Variants in VDAC1 observed in about 807,000 individuals in gnomAD.
VDAC1 encodes non-selective voltage-gated ion channel VDAC1.
VDAC1 carries 10 observed loss-of-function variants against 34.7 expected under a neutral mutation model. That is an observed-to-expected ratio of 0.29 (90% CI 0.18 to 0.49). VDAC1 has a LOEUF of 0.49. Among genes scored for constraint, VDAC1 ranks in the 20% least tolerant of loss-of-function variants. VDAC1 has a pLI of 0.99. For missense variants in VDAC1, 230 were observed against 347.9 expected (o/e 0.66, Z 2.69); for synonymous variants, 130 against 136.0 (o/e 0.96, Z 0.30).
At chr5:134,066,941 A>T in the VDAC1 span, among the ~76,000 whole-genome samples, 4 of 152,192 alleles carry the variant, frequency 2.6e-5, no homozygotes, top group Non-Finnish European at 5.9e-5. Flanking sequence ...CCCCTGCTAG[A>T]AAGGGAGAAC....
chr5:134,064,111 T>A, the VDAC1 span, among the ~76,000 whole-genome samples: 1 of 151,268 alleles, frequency 6.6e-6, no homozygotes, highest in Admixed American at 6.6e-5. Flanking sequence ...GTGCTGGGAT[T>A]ACAGGCAAGA....
chr5:134,004,300 C>T (rs1238500175), intron 1 of VDAC1, among the ~76,000 whole-genome samples: 3 of 151,918 alleles, frequency 2.0e-5, no homozygotes, highest in Non-Finnish European at 4.4e-5. Flanking sequence ...CAGAGGGCGC[C>T]GCCGGGGAAG....
the VDAC1 span, among the ~76,000 whole-genome samples, chr5:134,027,499 A>G: frequency 6.6e-6 from 1 of 152,182 alleles, no homozygotes. Flanking sequence ...TGCAAATGTG[A>G]CAAGTGCCAG....
chr5:133,984,417 AGC>A (rs1752825008), intron 5 of VDAC1, among the ~76,000 whole-genome samples: 1 of 105,886 alleles, frequency 9.4e-6, no homozygotes, highest in Non-Finnish European at 1.8e-5. Flanking sequence ...CACAATGACC[AGC>A]GTGTGTGTGT....
At chr5:134,053,381 G>A in the VDAC1 span, among the ~76,000 whole-genome samples, 1 of 152,184 alleles carries the variant, frequency 6.6e-6, no homozygotes, top group Non-Finnish European at 1.5e-5. Context: ...CACCATGCCT[G>A]GGGATACTCT....
the VDAC1 span, among the ~76,000 whole-genome samples, chr5:134,089,150 C>G: frequency 6.6e-6 from 1 of 152,238 alleles, no homozygotes; most frequent in Admixed American, 6.5e-5. Context: ...CAGATGGCCA[C>G]CTGCAGGGAC....
chr5:133,989,741 C>T (rs919973631), intron 5 of VDAC1, among the ~76,000 whole-genome samples: 2 of 151,970 alleles, frequency 1.3e-5, no homozygotes, highest in Non-Finnish European at 2.9e-5. Context: ...TGGCTCACCA[C>T]AACCTCTGCC....
At chr5:134,100,549 A>T in the VDAC1 span, among the ~76,000 whole-genome samples, 1 of 152,150 alleles carries the variant, frequency 6.6e-6, no homozygotes, top group Non-Finnish European at 1.5e-5. Context: ...GCCTAGAGGT[A>T]GCAGCTCCTG....
the VDAC1 span, among the ~76,000 whole-genome samples, chr5:134,054,171 A>G: frequency 6.6e-6 from 1 of 152,218 alleles, no homozygotes; most frequent in East Asian, 1.9e-4. Context: ...ACACCTTCTC[A>G]GTGTGGTAAT....
At chr5:134,023,372 G>A in the VDAC1 span, among the ~76,000 whole-genome samples, 217 of 151,752 alleles carry the variant, frequency 1.4e-3, no homozygotes, top group African/African-American at 5.0e-3. Context: ...AATGCATACC[G>A]GGCTTAAAAC....
chr5:134,030,604 C>CT, the VDAC1 span, among the ~76,000 whole-genome samples: 844 of 107,748 alleles, frequency 7.8e-3, 11 homozygotes, highest in African/African-American at 0.023. Flanking sequence ...TTCTTTCTTT[C>CT]TTTTTTTTTT....
chr5:133,994,736 G>A (rs1753232237), intron 1 of VDAC1, among the ~76,000 whole-genome samples: 1 of 152,084 alleles, frequency 6.6e-6, no homozygotes, highest in Admixed American at 6.5e-5. Flanking sequence ...ACAGTAACGG[G>A]CCCAGAACAT....
At chr5:134,050,190 A>G in the VDAC1 span, among the ~76,000 whole-genome samples, 1 of 152,160 alleles carries the variant, frequency 6.6e-6, no homozygotes, top group Non-Finnish European at 1.5e-5. Context: ...TGGAGGTTGC[A>G]GTGAGCCGAG....
At chr5:134,069,647 C>T in the VDAC1 span, among the ~76,000 whole-genome samples, 1 of 152,084 alleles carries the variant, frequency 6.6e-6, no homozygotes, top group African/African-American at 2.4e-5. Context: ...TGCTTCTCAG[C>T]GTTTCTCTTT....
At chr5:134,076,304 C>T in the VDAC1 span, among the ~76,000 whole-genome samples, 1 of 152,222 alleles carries the variant, frequency 6.6e-6, no homozygotes, top group African/African-American at 2.4e-5. Context: ...AACTCCTATG[C>T]ACCCTTCAGA....
chr5:134,032,839 C>T, the VDAC1 span, among the ~76,000 whole-genome samples: 1 of 152,248 alleles, frequency 6.6e-6, no homozygotes, highest in Admixed American at 6.6e-5. Context: ...CAAGTCCAGC[C>T]TGGGCAACAG....
the VDAC1 span, among the ~76,000 whole-genome samples, chr5:134,078,198 C>T: frequency 6.6e-6 from 1 of 152,204 alleles, no homozygotes; most frequent in Non-Finnish European, 1.5e-5. Flanking sequence ...AAATTGGACC[C>T]CTGCCCTCAA....
At chr5:134,058,321 GT>G in the VDAC1 span, among the ~76,000 whole-genome samples, 5 of 142,306 alleles carry the variant, frequency 3.5e-5, no homozygotes, top group East Asian at 2.1e-4. Flanking sequence ...TTTGTTTTTT[GT>G]TTTTTTTTTG....
chr5:134,002,722 T>C (rs757660213), intron 1 of VDAC1, among the ~76,000 whole-genome samples: 2 of 152,126 alleles, frequency 1.3e-5, no homozygotes, highest in Non-Finnish European at 2.9e-5. Context: ...CCCAGCACTT[T>C]GGGAGGCGGA....
Sources: allele counts gnomAD v4.1 joint callset (sites outside exome capture counted in the v4.1 genomes callset), GRCh38; gene constraint gnomAD v4.1.1; transcripts MANE v1.5; gene names NCBI Gene and HGNC (gene_info 2026-07-23, HGNC 2026-07-21).